Variants in PIPOX observed in about 807,000 individuals in gnomAD.
PIPOX encodes the protein pipecolic acid and sarcosine oxidase.
PIPOX carries 45 observed loss-of-function variants against 47.9 expected under a neutral mutation model. The observed-to-expected ratio is 0.94, with a 90% CI of 0.74 to 1.20. The LOEUF (loss-of-function observed/expected upper bound fraction) is 1.20. Among genes scored for constraint, PIPOX ranks in the 50% most tolerant of loss-of-function variants. The pLI is 0.00. For synonymous variants in PIPOX, 165 were observed against 191.3 expected (o/e 0.86, Z 1.13); for missense variants, 458 against 498.4 (o/e 0.92, Z 0.77).
At position 29,045,229 on chromosome 17, in the gene PIPOX, G is replaced by C. The variant is rs144980599; in HGVS notation, c.263+222G>C. On this transcript the variant is annotated intron_variant, in intron 2 of 7. Transcript: ENST00000323372. The stretch of plus-strand genomic sequence containing the variant: ...CGTTGCAGGACTGGGTTCAGACCAT[G>C]TGTCCAAGGCTAGCAGAAGCAGTAC... Among the ~76,000 whole-genome samples the C allele has an allele frequency of 3.7e-3, 567 of 152,288 alleles. 2 individuals are homozygous for C. The highest frequency in any genetic ancestry group is 0.012 in the African/African-American group (519 of 41,554).
At chr17:29,053,234 C>T (rs2065813889) in intron 3 of PIPOX, 101 bp downstream of exon 3, 2 of 1,296,022 alleles carry the variant, frequency 1.5e-6, no homozygotes, top group Admixed American at 3.8e-5. Flanking sequence ...GAGGCCTTTG[C>T]CCTGCAGGCT....
chr17:29,054,136 T>G (rs191139155), intron 4 of PIPOX, among the ~76,000 whole-genome samples: 528 of 152,298 alleles, frequency 3.5e-3, no homozygotes, highest in African/African-American at 9.4e-3. Context: ...TGAGTCGTGA[T>G]TCTACCACTG....
chr17:29,050,980 G>C (rs554423979), intron 2 of PIPOX, among the ~76,000 whole-genome samples: 1 of 152,066 alleles, frequency 6.6e-6, no homozygotes, highest in South Asian at 2.1e-4. Flanking sequence ...AAATGAGCCG[G>C]GTGTGGTGGT....
At position 29,043,348 on chromosome 17, in the gene PIPOX, T is replaced by G; in HGVS notation, c.114+9T>G. ...TCCTCCTGCTGGAGCAGGTACTGTG[T>G]CCCTTCTGCACCCCCAGCTGTAAGG... On this transcript the variant is annotated intron_variant, in intron 1 of 7. Transcript: ENST00000323372. The G allele has an allele frequency of 6.3e-7, 1 of 1,590,030 alleles. No individual in the cohort carries two copies. The highest frequency in any genetic ancestry group is 8.6e-7 in the Non-Finnish European group (1 of 1,158,412).
chr17:29,048,612 T>C (rs2065793999), intron 2 of PIPOX, among the ~76,000 whole-genome samples: 1 of 152,234 alleles, frequency 6.6e-6, no homozygotes, highest in African/African-American at 2.4e-5. Flanking sequence ...TCCTACTGTC[T>C]AGCTCCTGAC....
At chr17:29,048,513 T>C (rs1050662866) in intron 2 of PIPOX, among the ~76,000 whole-genome samples, 1 of 152,220 alleles carries the variant, frequency 6.6e-6, no homozygotes, top group East Asian at 1.9e-4. Flanking sequence ...TCTGAATCTT[T>C]TGTGATGTGT....
Position 29,045,403 on chromosome 17 carries a change from C to CTTTTTTTTTTTTT in PIPOX, c.263+412_263+424dup, listed in dbSNP as rs57047541. 7.9e-5 allele frequency among the ~76,000 whole-genome samples: 4 copies of CTTTTTTTTTTTTT among 50,952 alleles called. 1 individual carries two copies. Among genetic ancestry groups the CTTTTTTTTTTTTT allele is most frequent in the Non-Finnish European group, 1.4e-4 (4 of 28,372 alleles). 33.4% of individuals were successfully genotyped at this position (50,952 alleles called of 152,430 possible). A position where few individuals can be genotyped will look rare whatever the true frequency, so the allele number is the denominator to read the frequency against. ...GGAGGAGGCTGCTTTCAGGAGGATT[C>CTTTTTTTTTTTTT]TTTTTTTTTTTTTTTTTTTTTTTTT... On this transcript the variant is annotated intron_variant, in intron 2 of 7. Coordinates refer to ENST00000323372, the MANE Select transcript of PIPOX (RefSeq NM_016518.3).
Position 29,056,356 on chromosome 17 carries a change from GAGA to G in PIPOX, c.*55_*57del, listed in dbSNP as rs763732178. 2.3e-4 allele frequency: 370 copies of G among 1,608,402 alleles called. 1 individual carries two copies. The highest frequency in any genetic ancestry group is 1.3e-3 in the Middle Eastern group (8 of 6,036). ...TGCACAGGAGCCAGTTTCACAGATG[GAGA>G]AGATGTCTCAGATGAAGGGAGTGTC... On this transcript the variant is annotated 3_prime_UTR_variant, in exon 8 of 8. Transcript: ENST00000323372.
chr17:29,055,974 G>A, intron 7 of PIPOX, 86 bp downstream of exon 7: 1 of 1,358,802 alleles, frequency 7.4e-7, no homozygotes, highest in Admixed American at 1.7e-5. Context: ...ACTCTTAGCT[G>A]CCCAGATAGG....
In PIPOX at chr17:29,052,007, G is replaced by T. The variant is rs145281625; in HGVS notation, c.264-913G>T. On this transcript the variant is annotated intron_variant, in intron 2 of 7. Coordinates refer to ENST00000323372, the MANE Select transcript of PIPOX (RefSeq NM_016518.3). The stretch of plus-strand genomic sequence containing the variant: ...GTTACAGAGGAGGAATCTGGGCCCA[G>T]AGAGGTGAGTGACCTAATCAAGGTC... 10 of 471,186 alleles carry T rather than the reference G, an allele frequency of 2.1e-5. No individual in the cohort carries two copies. The East Asian group carries it at 6.9e-4, about 33-fold the overall frequency. The allele number at this position is 471,186 out of a possible 1,614,324, so 29.2% of individuals were successfully genotyped here.
rs142365862 is a variant in PIPOX, at chr17:29,054,559, C to T, written c.675C>T (p.Asn225=). 1,013 of 1,614,180 alleles carry T rather than the reference C, an allele frequency of 6.3e-4. 16 individuals carry two copies. The South Asian group carries it at 7.9e-3, about 13-fold the overall frequency. The change falls in exon 5 of 8, where the codon AAC becomes AAT. Residue 225 remains asparagine (N), a synonymous_variant. Transcript: ENST00000323372. ...CCTGCCTCAAGACCCTGCGGATCAACGTGTGTTACTGGCGAGAGATGGTTC... is the reference window on the plus strand; with the variant it reads ...CCTGCCTCAAGACCCTGCGGATCAATGTGTGTTACTGGCGAGAGATGGTTC... The part of the protein sequence containing the change: ...IEMPLQTLRI[N]VCYWREMVPG...
At chr17:29,053,180 G>A in intron 3 of PIPOX, 47 bp downstream of exon 3, 1 of 1,556,708 alleles carries the variant, frequency 6.4e-7, no homozygotes, top group Non-Finnish European at 8.9e-7. Context: ...CCTGCTCTGG[G>A]TGTCCTGGGT....
In PIPOX at chr17:29,043,388, C is replaced by T. The variant is rs150410822; in HGVS notation, c.114+49C>T. On this transcript the variant is annotated intron_variant, in intron 1 of 7. Transcript: ENST00000323372. Reference sequence around the variant, plus strand: ...CAGCTGTAAGGACTGTCCTACCCTCCTCCCCTGCAGAAGGGTTTTCAGAGC... The same window carrying T: ...CAGCTGTAAGGACTGTCCTACCCTCTTCCCCTGCAGAAGGGTTTTCAGAGC... 2.7e-4 allele frequency: 368 copies of T among 1,359,704 alleles called. 2 individuals carry two copies. In the East Asian group the frequency reaches 8.2e-3, roughly 30 times the overall value. The allele number at this position is 1,359,704 out of a possible 1,614,324, so 84.2% of individuals were successfully genotyped here. A position where few individuals can be genotyped will look rare whatever the true frequency, so the allele number is the denominator to read the frequency against.
rs768453361 is a variant in PIPOX, at chr17:29,056,133, C to G, written c.1043-42C>G. ...AGGGGATGTCCAGAGAGCTCAACCT[C>G]TGTCTGTGAAGCTGCCTGAGAGTCT... is the stretch of plus-strand genomic sequence containing the variant. On this transcript the variant is annotated intron_variant, in intron 7 of 7. Transcript: ENST00000323372. 7 of 1,612,112 alleles carry G rather than the reference C, an allele frequency of 4.3e-6. No individual in the cohort carries two copies. The East Asian group carries it at 1.6e-4, about 36-fold the overall frequency.
rs2065826996 is a variant in PIPOX, at chr17:29,056,091, G to T, written c.1043-84G>T. The stretch of plus-strand genomic sequence containing the variant: ...TGGGATGTGACCAGGAGGACAGTCA[G>T]CCCTGTCTGGGTAAGTAGGGGATGT... On this transcript the variant is annotated intron_variant, in intron 7 of 7. Coordinates refer to ENST00000323372, the MANE Select transcript of PIPOX (RefSeq NM_016518.3). The T allele has an allele frequency of 1.3e-5, 20 of 1,550,568 alleles. No homozygotes were observed. The South Asian group carries it at 1.8e-4, about 14-fold the overall frequency.
chr17:29,051,329 G>A (rs1228556098), intron 2 of PIPOX, among the ~76,000 whole-genome samples: 2 of 152,186 alleles, frequency 1.3e-5, no homozygotes, highest in Admixed American at 6.5e-5. Context: ...AATGGATTGG[G>A]CACGCTGCGC....
chr17:29,043,252 C>T lies in PIPOX; in HGVS notation c.27C>T (p.Asp9=), dbSNP rs900812114. Residue 9 remains aspartate, a synonymous_variant, in exon 1 of 8, where the codon GAC becomes GAT. Coordinates refer to ENST00000323372, the MANE Select transcript of PIPOX (RefSeq NM_016518.3). MAAQKDLW[D]AIVIGAGIQG... Reference sequence around the variant, plus strand: ...TGGCGGCTCAGAAAGATCTCTGGGACGCCATTGTGATTGGGGCGGGGATCC... The same window carrying T: ...TGGCGGCTCAGAAAGATCTCTGGGATGCCATTGTGATTGGGGCGGGGATCC... The T allele has an allele frequency of 2.4e-5, 38 of 1,613,256 alleles. No homozygotes were observed. The highest frequency in any genetic ancestry group is 2.5e-5 in the Non-Finnish European group (30 of 1,179,550).
chr17:29,051,973 A>G (rs2065808149), intron 2 of PIPOX: 1 of 471,020 alleles, frequency 2.1e-6, no homozygotes, highest in Admixed American at 2.3e-5. Flanking sequence ...TCAGTTGTTC[A>G]ACAGGCACGT....
intron 2 of PIPOX, among the ~76,000 whole-genome samples, chr17:29,050,564 C>T (rs1261138164): frequency 6.6e-6 from 1 of 152,148 alleles, no homozygotes; most frequent in Non-Finnish European, 1.5e-5. Flanking sequence ...AGTGTGGTGG[C>T]TCACGCCTGT....
Sources: allele counts gnomAD v4.1 joint callset (sites outside exome capture counted in the v4.1 genomes callset), GRCh38; gene constraint gnomAD v4.1.1; transcripts MANE v1.5; gene names NCBI Gene and HGNC (gene_info 2026-07-23, HGNC 2026-07-21).